The following ADAMTS3 variants were observed in gnomAD, a reference collection of about 807,000 sequenced individuals.
ADAMTS3 encodes the protein A disintegrin and metalloproteinase with thrombospondin motifs 3.
ADAMTS3 carries 73 observed loss-of-function variants against 129.0 expected under a neutral mutation model. The ratio of observed to expected loss-of-function variants is 0.57; its 90% CI spans 0.47 to 0.69. The LOEUF is 0.69. Among genes scored for constraint, ADAMTS3 ranks in the 30% least tolerant of loss-of-function variants. The probability of loss-of-function intolerance (pLI) is 0.00; values close to 1 mark genes in which losing one functional copy is unlikely to be tolerated. For synonymous variants in ADAMTS3, 477 were observed against 510.8 expected (o/e 0.93, Z 0.89); for missense variants, 1,457 against 1,514.5 (o/e 0.96, Z 0.63).
intron 2 of ADAMTS3, among the ~76,000 whole-genome samples, chr4:72,557,917 A>ACT (rs1721808166): frequency 2.0e-5 from 3 of 151,900 alleles, no homozygotes; most frequent in African/African-American, 7.3e-5. Context: ...TCAGTTTTTA[A>ACT]ATAAGTACTT....
At chr4:72,491,174 T>A (rs1046204148) in intron 3 of ADAMTS3, among the ~76,000 whole-genome samples, 6 of 151,870 alleles carry the variant, frequency 4.0e-5, no homozygotes, top group Non-Finnish European at 8.8e-5. Flanking sequence ...TTTTTTATTA[T>A]GCAACCTTAC....
At chr4:72,327,251 T>C (rs1013995356) in intron 5 of ADAMTS3, among the ~76,000 whole-genome samples, 16 of 152,280 alleles carry the variant, frequency 1.1e-4, no homozygotes, top group Admixed American at 9.8e-4. Flanking sequence ...CATACTAAAT[T>C]AACAATTTGA....
At position 72,548,858 on chromosome 4, in the gene ADAMTS3, ACT is replaced by A; in HGVS notation, c.122_123del (p.Glu41ValfsTer2). 1.2e-6 allele frequency: 2 copies of A among 1,612,788 alleles called. No individual in the cohort carries two copies. Among genetic ancestry groups the A allele is most frequent in the Non-Finnish European group, 1.7e-6 (2 of 1,179,632 alleles). ...GTGCTGACTGGAGTCACCAGCTCAT[ACT>A]CTCTATATCTCTTTATTGGTAAATC... ...QIDLPIKRYREYELVTPVSTN... is the reference protein window; with the variant it reads ...QIDLPIKRYRXYELVTPVSTN... On this transcript the variant is annotated frameshift_variant, in exon 3 of 22. Coordinates refer to ENST00000286657, the MANE Select transcript of ADAMTS3 (RefSeq NM_014243.3). LOFTEE classifies it high-confidence loss of function.
chr4:72,404,494 A>G (rs1326383122), intron 4 of ADAMTS3, among the ~76,000 whole-genome samples: 1 of 152,132 alleles, frequency 6.6e-6, no homozygotes, highest in Admixed American at 6.6e-5. Flanking sequence ...TACACCATAA[A>G]CAAAAATCAA....
At chr4:72,404,690 G>A (rs138404332) in intron 4 of ADAMTS3, among the ~76,000 whole-genome samples, 26 of 152,004 alleles carry the variant, frequency 1.7e-4, no homozygotes, top group African/African-American at 5.8e-4. Context: ...CACAGCAAAG[G>A]AAAAATTAAC....
intron 5 of ADAMTS3, among the ~76,000 whole-genome samples, chr4:72,323,524 G>C (rs886851912): frequency 2.6e-5 from 4 of 152,160 alleles, no homozygotes; most frequent in African/African-American, 9.7e-5. Context: ...GACAACCAGG[G>C]GTGCTACGTC....
intron 4 of ADAMTS3, among the ~76,000 whole-genome samples, chr4:72,367,155 A>G (rs1720889129): frequency 6.6e-6 from 1 of 152,194 alleles, no homozygotes. Context: ...CACATTGTAC[A>G]GCTCAAGTAG....
chr4:72,520,555 C>G (rs1198287457), intron 3 of ADAMTS3, among the ~76,000 whole-genome samples: 1 of 152,232 alleles, frequency 6.6e-6, no homozygotes, highest in Non-Finnish European at 1.5e-5. Flanking sequence ...GCGGGCGCCC[C>G]TCCCCCAGCC....
intron 3 of ADAMTS3, among the ~76,000 whole-genome samples, chr4:72,428,893 C>A (rs570387723): frequency 6.6e-6 from 1 of 151,938 alleles, no homozygotes; most frequent in Admixed American, 6.6e-5. Context: ...CCCACTTATT[C>A]CCATAATAAA....
intron 21 of ADAMTS3, among the ~76,000 whole-genome samples, chr4:72,287,979 C>T (rs1179106716): frequency 6.6e-6 from 1 of 152,330 alleles, no homozygotes; most frequent in Non-Finnish European, 1.5e-5. Flanking sequence ...AATTCTCCTG[C>T]CTCTGCCTCC....
At chr4:72,320,110 CTCT>C in intron 7 of ADAMTS3, 147 bp from the exon 8 acceptor site, 1 of 657,428 alleles carries the variant, frequency 1.5e-6, no homozygotes. Context: ...GTGTCACATT[CTCT>C]TGGGAAAGCC....
intron 4 of ADAMTS3, among the ~76,000 whole-genome samples, chr4:72,396,697 G>A (rs1721734561): frequency 6.6e-6 from 1 of 151,948 alleles, no homozygotes; most frequent in African/African-American, 2.4e-5. Flanking sequence ...CATTATGTTG[G>A]GGTATTTATA....
At chr4:72,541,576 G>T (rs1721324661) in intron 3 of ADAMTS3, among the ~76,000 whole-genome samples, 1 of 152,202 alleles carries the variant, frequency 6.6e-6, no homozygotes, top group Non-Finnish European at 1.5e-5. Context: ...ATCTCATTTT[G>T]ATTTGTAGCT....
At chr4:72,427,540 C>G (rs1441797991) in intron 3 of ADAMTS3, among the ~76,000 whole-genome samples, 1 of 151,934 alleles carries the variant, frequency 6.6e-6, no homozygotes, top group African/African-American at 2.4e-5. Flanking sequence ...GGGCTCTCTG[C>G]TGTAACACCT....
Position 72,460,225 on chromosome 4 carries a change from T to C in ADAMTS3, c.505-45254A>G, listed in dbSNP as rs147935989. On this transcript the variant is annotated intron_variant, in intron 3 of 21. Coordinates refer to ENST00000286657, the MANE Select transcript of ADAMTS3 (RefSeq NM_014243.3). ...AAGCACAAAATTATTGTTCTGTTCA[T>C]TGAAGCTGCTTAAGGTAGATTTTCT... Among the ~76,000 whole-genome samples the C allele has an allele frequency of 1.6e-3, 242 of 151,758 alleles. 1 individual carries two copies. Among genetic ancestry groups the C allele is most frequent in the African/African-American group, 5.5e-3 (229 of 41,506 alleles).
intron 3 of ADAMTS3, among the ~76,000 whole-genome samples, chr4:72,492,099 A>G (rs563417847): frequency 6.6e-6 from 1 of 151,690 alleles, no homozygotes; most frequent in Non-Finnish European, 1.5e-5. Context: ...TCAGAAAAAA[A>G]TTGTTTTAAT....
At chr4:72,443,114 G>A (rs1293408868) in intron 3 of ADAMTS3, among the ~76,000 whole-genome samples, 1 of 151,552 alleles carries the variant, frequency 6.6e-6, no homozygotes, top group African/African-American at 2.4e-5. Flanking sequence ...CTGAAACATG[G>A]GAAGTAATTT....
intron 4 of ADAMTS3, among the ~76,000 whole-genome samples, chr4:72,398,338 C>T (rs1174392846): frequency 6.6e-6 from 1 of 152,054 alleles, no homozygotes; most frequent in Non-Finnish European, 1.5e-5. Context: ...AGGTGGATCA[C>T]CTGAGGTCAG....
At chr4:72,461,793 T>C (rs1383929) in intron 3 of ADAMTS3, among the ~76,000 whole-genome samples, 93,176 of 151,774 alleles carry the variant, frequency 0.61, 29,471 homozygotes, top group South Asian at 0.8. Context: ...CTACATGCAA[T>C]TCAGTTTTCA....
Sources: gnomAD v4.1 joint callset for allele counts (sites outside exome capture counted in the v4.1 genomes callset) on GRCh38, gnomAD v4.1.1 for gene constraint, MANE v1.5 for transcripts, NCBI Gene and HGNC (gene_info 2026-07-23, HGNC 2026-07-21) for gene names.